Variants in NLRP9 observed in about 807,000 individuals in gnomAD.
NLRP9 encodes NACHT, LRR and PYD domains-containing protein 9.
Under a neutral mutation model 83.1 loss-of-function variants are expected in NLRP9, and 88 were observed. That is an observed-to-expected ratio of 1.06 (90% confidence interval 0.89 to 1.26). NLRP9 has a LOEUF of 1.26. NLRP9 is among the 50% of genes most tolerant of loss of function. NLRP9 has a pLI of 0.00. For synonymous variants in NLRP9, 521 were observed against 447.6 expected, an observed-to-expected ratio of 1.16 and a Z score of -2.07; for missense variants, 1,308 against 1,179.3, an observed-to-expected ratio of 1.11 and a Z score of -1.60.
intron 4 of NLRP9, 80 bp downstream of exon 4, chr19:55,723,900 C>T: frequency 8.8e-7 from 1 of 1,134,688 alleles, no homozygotes; most frequent in African/African-American, 1.6e-5. Context: ...AATGACCCTC[C>T]AGGAAGGAAA....
chr19:55,716,799 G>C lies in NLRP9; in HGVS notation c.2259C>G (p.Pro753=). The C allele has an allele frequency of 6.2e-7, 1 of 1,613,886 alleles. No individual in the cohort carries two copies. Among genetic ancestry groups the C allele is most frequent in the Non-Finnish European group, 8.5e-7 (1 of 1,179,896 alleles). Residue 753 remains proline, a synonymous_variant, in exon 5 of 9, where the codon CCC becomes CCG. Coordinates refer to ENST00000332836, the MANE Select transcript of NLRP9 (RefSeq NM_176820.4). ...GCAACGTCATTCCTTCGTCCCTCAA[G>C]GGATTTTCTACCAAGGAGAGGTGTT... ...KLKHLSLVEN[P]LRDEGMTLLC... is the part of the protein sequence containing the mutation.
chr19:55,725,094 G>A (rs1988360013), intron 3 of NLRP9, among the ~76,000 whole-genome samples: 1 of 152,066 alleles, frequency 6.6e-6, no homozygotes, highest in Non-Finnish European at 1.5e-5. Flanking sequence ...GTAATGCCTG[G>A]AACATGGTCA....
rs1343810841 is a variant in NLRP9 at position 55,711,832 on chromosome 19, C to G, written c.2811G>C (p.Leu937Phe). 1.2e-6 allele frequency: 2 copies of G among 1,613,224 alleles called. No individual in the cohort carries two copies. The highest frequency in any genetic ancestry group is 1.7e-6 in the Non-Finnish European group (2 of 1,179,948). Residue 937 changes from leucine to phenylalanine, a missense_variant, in exon 8 of 9, where the codon TTG becomes TTC. Leu to Phe is a conservative substitution (Grantham distance 22). Coordinates refer to ENST00000332836, the MANE Select transcript of NLRP9 (RefSeq NM_176820.4). ...TCTGCAGGGCACAGTCCGGGTGGCT[C>G]AATGCCTCACACAGCACCACCACTG... ...ADAVVVLCEALSHPDCALQML... is the reference protein window; with the variant it reads ...ADAVVVLCEAFSHPDCALQML...
chr19:55,738,102 C>G lies in NLRP9; in HGVS notation c.273G>C (p.Glu91Asp). The G allele has an allele frequency of 3.1e-6, 5 of 1,614,140 alleles. No individual in the cohort carries two copies. The highest frequency in any genetic ancestry group is 1.3e-5 in the African/African-American group (1 of 75,050). Residue 91 changes from glutamate to aspartate, a missense_variant, in exon 1 of 9, where the codon GAG becomes GAC. Transcript: ENST00000332836. ...CCATCATCCAGCACTTACTTCTCATCTCTTCCTGAGCCTTTGTCCAGAGAT... is the reference window on the plus strand; with the variant it reads ...CCATCATCCAGCACTTACTTCTCATGTCTTCCTGAGCCTTTGTCCAGAGAT... ...RKDLWTKAQE[E>D]MRNKLNPYRK...
intron 3 of NLRP9, among the ~76,000 whole-genome samples, chr19:55,725,863 C>G (rs137967870): frequency 9.2e-5 from 14 of 152,072 alleles, no homozygotes; most frequent in African/African-American, 3.4e-4. Context: ...CCCATCTCTA[C>G]TAAAATACAA....
chr19:55,729,045 TTTTTC>T (rs1326325170), intron 3 of NLRP9, among the ~76,000 whole-genome samples: 2 of 115,022 alleles, frequency 1.7e-5, no homozygotes, highest in African/African-American at 3.7e-5. Context: ...CTTATTTTTC[TTTTTC>T]TTTTTTTTTT....
In NLRP9 at chr19:55,715,238, A is replaced by G. The variant is rs749410064; in HGVS notation, c.2331-13T>C. On this transcript the variant is annotated splice_polypyrimidine_tract_variant and intron_variant, in intron 5 of 8. Transcript: ENST00000332836. ...GCAGTACATCAACCTGCAAAGAAACACACCGTCTCCCAGCCTGCTGAACAG... is the reference window on the plus strand; with the variant it reads ...GCAGTACATCAACCTGCAAAGAAACGCACCGTCTCCCAGCCTGCTGAACAG... The G allele has an allele frequency of 1.2e-6, 2 of 1,610,128 alleles. No homozygotes were observed. Among genetic ancestry groups the G allele is most frequent in the African/African-American group, 2.7e-5 (2 of 74,866 alleles).
In NLRP9 at chr19:55,732,724, T is replaced by C. The variant is rs765794054; in HGVS notation, c.1107A>G (p.Ala369=). The stretch of plus-strand genomic sequence containing the variant: ...CTTTGAATACAGTTGTTAAAAAGGA[T>C]GCATATAAATAGGTGGTGTTTTGGG... The part of the protein sequence containing the change: ...INSQNTTYLY[A]SFLTTVFKAG... The change falls in exon 2 of 9, where the codon GCA becomes GCG. Residue 369 remains alanine, a synonymous_variant. Transcript: ENST00000332836. The C allele has an allele frequency of 4.3e-6, 7 of 1,614,140 alleles. No homozygotes were observed. In the East Asian group the frequency reaches 1.6e-4, roughly 36 times the overall value.
rs1347130001 is a variant in NLRP9, at chr19:55,738,227, C to G, written c.148G>C (p.Ala50Pro). ...AGCTTTGCTACATCTTCTTTGGAGG[C>G]CTTCTTCAGCTCAGCCCAGGGGATT... ...KPIPWAELKK[A>P]SKEDVAKLLD... Residue 50 changes from alanine to proline, a missense_variant, in exon 1 of 9, where the codon GCC (alanine) becomes CCC (proline). Transcript: ENST00000332836. 6.2e-7 allele frequency: 1 copy of G among 1,614,154 alleles called. No individual in the cohort carries two copies. Among genetic ancestry groups the G allele is most frequent in the Admixed American group, 1.7e-5 (1 of 60,016 alleles).
intron 7 of NLRP9, 124 bp downstream of exon 7, chr19:55,712,296 A>AT: frequency 1.2e-6 from 1 of 800,426 alleles, no homozygotes; most frequent in Non-Finnish European, 2.0e-6. Flanking sequence ...AGCATTTTAC[A>AT]TATCAGATCG....
chr19:55,713,599 TCTC>T (rs1186850514), intron 6 of NLRP9, among the ~76,000 whole-genome samples: 13 of 82,374 alleles, frequency 1.6e-4, no homozygotes, highest in Non-Finnish European at 2.9e-4. Flanking sequence ...CTCCTCCTCC[TCTC>T]CCTCCTCCCC....
At position 55,712,452 on chromosome 19, in the gene NLRP9, C is replaced by T. The variant is rs1419435351; in HGVS notation, c.2640G>A (p.Leu880=). ...DTGVRQLCAA[L]QHPHCKLECL... is the part of the protein sequence containing the mutation. ...ACTCTAATTTACAGTGAGGATGCTG[C>T]AAAGCTGCACATAACTGTCTGACAC... The change falls in exon 7 of 9, where the codon TTG becomes TTA. Residue 880 remains leucine (L), a synonymous_variant. Transcript: ENST00000332836. 8 of 1,612,748 alleles carry T rather than the reference C, an allele frequency of 5.0e-6. No homozygotes were observed. Among genetic ancestry groups the T allele is most frequent in the Non-Finnish European group, 8.5e-7 (1 of 1,179,884 alleles).
intron 1 of NLRP9, 116 bp downstream of exon 1, chr19:55,737,979 C>T (rs1412273535): frequency 3.0e-6 from 3 of 998,342 alleles, no homozygotes; most frequent in African/African-American, 3.2e-5. Flanking sequence ...CTTCAACTCT[C>T]ACCTTGACCC....
chr19:55,730,928 A>T (rs927043408), intron 2 of NLRP9, among the ~76,000 whole-genome samples: 5 of 151,596 alleles, frequency 3.3e-5, no homozygotes, highest in African/African-American at 1.2e-4. Context: ...AGTTGGAAAT[A>T]AAAAAAAAGA....
intron 1 of NLRP9, among the ~76,000 whole-genome samples, chr19:55,734,299 G>T (rs562199596): frequency 1.6e-3 from 216 of 134,734 alleles, no homozygotes; most frequent in Non-Finnish European, 2.5e-3. Context: ...AGGAAGCGGA[G>T]ATTGCAATAA....
Position 55,708,967 on chromosome 19 carries a change from A to T in NLRP9, c.2921T>A (p.Ile974Asn). Residue 974 changes from isoleucine to asparagine, a missense_variant, in exon 9 of 9, where the codon ATT becomes AAT. Transcript: ENST00000332836. ...CTCGTCAATCCAAGGTCCATGTGAA[A>T]TGGTCAGATGGGGAATTTTTTCTTC... Reference protein sequence around the residue: ...SVEEKIPHLTISHGPWIDEEY... With the variant: ...SVEEKIPHLTNSHGPWIDEEY... 1 of 1,591,056 alleles carries T rather than the reference A, an allele frequency of 6.3e-7. No individual in the cohort carries two copies. Among genetic ancestry groups the T allele is most frequent in the African/African-American group, 1.4e-5 (1 of 73,554 alleles).
At chr19:55,716,147 A>T (rs769532463) in intron 5 of NLRP9, among the ~76,000 whole-genome samples, 1 of 152,172 alleles carries the variant, frequency 6.6e-6, no homozygotes, top group Non-Finnish European at 1.5e-5. Context: ...CTCCAAAATG[A>T]TAACTCTGTT....
rs747419961 is a variant in NLRP9, at chr19:55,732,108, T to C, written c.1723A>G (p.Ile575Val). 8.7e-6 allele frequency: 14 copies of C among 1,612,458 alleles called. No individual in the cohort carries two copies. The African/African-American group carries it at 1.6e-4, about 18-fold the overall frequency. Residue 575 changes from isoleucine to valine, a missense_variant, in exon 2 of 9, where the codon ATA becomes GTA. Ile to Val is a conservative substitution (Grantham distance 29). Coordinates refer to ENST00000332836, the MANE Select transcript of NLRP9 (RefSeq NM_176820.4). The stretch of plus-strand genomic sequence containing the variant: ...AATGAAGCTATTACCAAATGTTCTA[T>C]GTTACCAATATAAATGAAAACTTCT... The part of the protein sequence containing the change: ...FEEVFIYIGN[I>V]EHLVIASFCL...
chr19:55,721,754 G>A (rs545129317), intron 4 of NLRP9, among the ~76,000 whole-genome samples: 232 of 152,234 alleles, frequency 1.5e-3, no homozygotes, highest in Non-Finnish European at 2.6e-3. Context: ...TCACAGGGGC[G>A]GGTCTTTCCC....
Sources: allele counts gnomAD v4.1 joint callset (sites outside exome capture counted in the v4.1 genomes callset), GRCh38; gene constraint gnomAD v4.1.1; transcripts MANE v1.5; gene names NCBI Gene and HGNC (gene_info 2026-07-23, HGNC 2026-07-21).